The following RANBP2 variants were observed in gnomAD, a reference collection of about 807,000 sequenced individuals.
RANBP2 encodes E3 SUMO-protein ligase RanBP2.
RANBP2 carries 57 observed loss-of-function variants against 303.6 expected under a neutral mutation model. The observed-to-expected ratio is 0.19, with a 90% CI of 0.15 to 0.23. RANBP2 has a LOEUF of 0.23. Among genes scored for constraint, RANBP2 ranks in the 10% least tolerant of loss-of-function variants. The pLI, the probability that RANBP2 is intolerant of heterozygous loss-of-function variation, is 1.00. For synonymous variants in RANBP2, 1,167 were observed against 1,301.5 expected (o/e 0.90, Z 2.23); for missense variants, 3,138 against 3,780.8 (o/e 0.83, Z 4.46).
At chr2:109,778,310 G>A in the RANBP2 span, among the ~76,000 whole-genome samples, 1 of 140,150 alleles carries the variant, frequency 7.1e-6, no homozygotes, top group Non-Finnish European at 1.5e-5. Context: ...TGCAGATAAT[G>A]TGTGTCTTGC....
chr2:109,690,221 A>C, the RANBP2 span, among the ~76,000 whole-genome samples: 1 of 152,202 alleles, frequency 6.6e-6, no homozygotes, highest in South Asian at 2.1e-4. Flanking sequence ...GCTTGGTTTT[A>C]TACATTTTAG....
At position 108,764,937 on chromosome 2, in the gene RANBP2, A is replaced by G. The variant is rs780389963; in HGVS notation, c.4398A>G (p.Lys1466=). The G allele has an allele frequency of 8.7e-6, 14 of 1,614,038 alleles. No homozygotes were observed. The highest frequency in any genetic ancestry group is 1.1e-5 in the Non-Finnish European group (13 of 1,179,958). Residue 1466 remains lysine (K), a synonymous_variant, in exon 20 of 29, where the codon AAA becomes AAG. Coordinates refer to ENST00000283195, the MANE Select transcript of RANBP2 (RefSeq NM_006267.5). ...AATTTGGCCAGGGAGATCTTCCTAA[A>G]CCTATTAACAGTGATTTCAGATCTG... ...SFKFGQGDLP[K]PINSDFRSVF...
chr2:108,765,991 C>T lies in RANBP2; in HGVS notation c.5452C>T (p.Pro1818Ser), dbSNP rs1291246599. Residue 1818 changes from proline to serine, a missense_variant, in exon 20 of 29, where the codon CCT (proline) becomes TCT (serine). Pro to Ser is a moderately conservative substitution (Grantham distance 74). Around this residue, in one of 20 missense-constraint regions of RANBP2, gnomAD observed 348 missense variants for 360.4 expected, o/e 0.97. Coordinates refer to ENST00000283195, the MANE Select transcript of RANBP2 (RefSeq NM_006267.5). ...AACTCATAAACCTATTGCAGAAGCT[C>T]CTTCAGCTTTCACACTGGGCTCAGA... is the stretch of plus-strand genomic sequence containing the variant. Reference protein sequence around the residue: ...KPTHKPIAEAPSAFTLGSEMK... With the variant: ...KPTHKPIAEASSAFTLGSEMK... 6.2e-7 allele frequency: 1 copy of T among 1,614,014 alleles called. No individual in the cohort carries two copies. The highest frequency in any genetic ancestry group is 8.5e-7 in the Non-Finnish European group (1 of 1,179,998).
At chr2:109,257,388 G>A in the RANBP2 span, among the ~76,000 whole-genome samples, 1 of 151,520 alleles carries the variant, frequency 6.6e-6, no homozygotes, top group African/African-American at 2.4e-5. Context: ...GGGAGAGGAA[G>A]GGAAGGAGGG....
At chr2:108,925,244 T>C in the RANBP2 span, among the ~76,000 whole-genome samples, 1 of 152,324 alleles carries the variant, frequency 6.6e-6, no homozygotes, top group Middle Eastern at 3.4e-3. Context: ...TCTGTAAACA[T>C]TGGCTGAATG....
the RANBP2 span, among the ~76,000 whole-genome samples, chr2:109,017,409 A>C: frequency 6.1e-3 from 922 of 152,272 alleles, 23 homozygotes; most frequent in East Asian, 0.069. Context: ...AATGAGAGAG[A>C]GAGCGAGCAA....
chr2:109,679,362 G>A, the RANBP2 span, among the ~76,000 whole-genome samples: 143 of 152,254 alleles, frequency 9.4e-4, no homozygotes, highest in African/African-American at 3.3e-3. Context: ...TTACAAATGC[G>A]TTTTAGAGAG....
chr2:109,179,003 A>AGTGTGTGTGTGTG, the RANBP2 span, among the ~76,000 whole-genome samples: 1 of 142,066 alleles, frequency 7.0e-6, no homozygotes, highest in South Asian at 2.3e-4. Context: ...AAGTATAATA[A>AGTGTGTGTGTGTG]TGTGTGTGTG....
the RANBP2 span, among the ~76,000 whole-genome samples, chr2:109,285,690 A>G: frequency 6.6e-6 from 1 of 152,210 alleles, no homozygotes; most frequent in Non-Finnish European, 1.5e-5. Context: ...CTTGGGGCTC[A>G]TGAAAGCTTG....
At chr2:109,043,088 C>T in the RANBP2 span, among the ~76,000 whole-genome samples, 12 of 152,204 alleles carry the variant, frequency 7.9e-5, no homozygotes, top group East Asian at 1.6e-3. Context: ...CCAGCAGGAA[C>T]GGCCACTACA....
chr2:109,432,527 C>T, the RANBP2 span: 1 of 1,613,618 alleles, frequency 6.2e-7, no homozygotes, highest in East Asian at 2.2e-5. Flanking sequence ...GCCTACAAGC[C>T]CCAGAAGAGT....
the RANBP2 span, among the ~76,000 whole-genome samples, chr2:108,966,505 T>C: frequency 6.6e-6 from 1 of 152,236 alleles, no homozygotes; most frequent in Admixed American, 6.5e-5. Context: ...TCAGAGCCTG[T>C]GGTCTCAGCC....
the RANBP2 span, among the ~76,000 whole-genome samples, chr2:108,997,309 C>T: frequency 0.18 from 27,355 of 151,658 alleles, 2,708 homozygotes; most frequent in Middle Eastern, 0.26. Flanking sequence ...GATGTGGCGG[C>T]GTGCGCCTGT....
At chr2:109,238,955 G>C in the RANBP2 span, among the ~76,000 whole-genome samples, 1 of 152,210 alleles carries the variant, frequency 6.6e-6, no homozygotes, top group Non-Finnish European at 1.5e-5. Flanking sequence ...GGGCCCTTCA[G>C]TTGGCTTTTC....
the RANBP2 span, among the ~76,000 whole-genome samples, chr2:109,609,615 C>CAA: frequency 2.0e-5 from 2 of 97,944 alleles, no homozygotes; most frequent in Non-Finnish European, 2.1e-5. Flanking sequence ...GACTCCGCCT[C>CAA]AAAAAAAAAA....
At chr2:109,525,137 A>ATTTTTG in the RANBP2 span, among the ~76,000 whole-genome samples, 1 of 141,624 alleles carries the variant, frequency 7.1e-6, no homozygotes, top group African/African-American at 2.7e-5. Context: ...CCTTGACATC[A>ATTTTTG]TTTTTGTTTT....
the RANBP2 span, among the ~76,000 whole-genome samples, chr2:109,420,310 A>G: frequency 6.6e-6 from 1 of 152,218 alleles, no homozygotes; most frequent in African/African-American, 2.4e-5. Context: ...TGTTAGGGTG[A>G]AGTCTATGAA....
At chr2:109,075,596 A>AAG in the RANBP2 span, among the ~76,000 whole-genome samples, 12 of 141,210 alleles carry the variant, frequency 8.5e-5, no homozygotes, top group Admixed American at 8.3e-4. Context: ...AAAAAAAAAA[A>AAG]GGAAGAATGG....
chr2:109,407,664 T>C, the RANBP2 span, among the ~76,000 whole-genome samples: 1 of 152,228 alleles, frequency 6.6e-6, no homozygotes, highest in Non-Finnish European at 1.5e-5. Context: ...TGGGCTTATT[T>C]TTAGCATTTT....
Sources: allele counts gnomAD v4.1 joint callset (sites outside exome capture counted in the v4.1 genomes callset), GRCh38; gene constraint gnomAD v4.1.1; regional missense constraint gnomAD v4.1.1; transcripts MANE v1.5; gene names NCBI Gene and HGNC (gene_info 2026-07-23, HGNC 2026-07-21).